Variants in NRG1 observed in about 807,000 individuals in gnomAD.
The protein encoded by NRG1 is pro-neuregulin-1, membrane-bound isoform.
In NRG1, 18 loss-of-function variants were observed where a neutral mutation model predicts 63.8. The ratio of observed to expected loss-of-function variants is 0.28; its 90% CI spans 0.19 to 0.42. The LOEUF (loss-of-function observed/expected upper bound fraction) is 0.42, where lower values mean the gene tolerates loss of function less well. Ranked by LOEUF, NRG1 falls within the 10% of genes least tolerant of loss-of-function variation. The pLI is 1.00. For synonymous variants in NRG1, 302 were observed against 301.3 expected (o/e 1.00, Z -0.02); for missense variants, 762 against 814.7 (o/e 0.94, Z 0.79).
At chr8:32,182,750 A>C (rs1452098197) in intron 1 of NRG1, among the ~76,000 whole-genome samples, 1 of 152,158 alleles carries the variant, frequency 6.6e-6, no homozygotes, top group African/African-American at 2.4e-5. Context: ...TTTACAAAAC[A>C]GTGTTAATAC....
intron 5 of NRG1, among the ~76,000 whole-genome samples, chr8:32,716,802 A>G (rs550785434): frequency 1.4e-4 from 17 of 124,624 alleles, no homozygotes; most frequent in Admixed American, 8.3e-4. Context: ...GCGTGTGTGC[A>G]TGTGTGTGTG....
intron 1 of NRG1, among the ~76,000 whole-genome samples, chr8:31,789,885 T>G (rs1240639363): frequency 6.6e-6 from 1 of 152,178 alleles, no homozygotes; most frequent in Non-Finnish European, 1.5e-5. Flanking sequence ...ATAACCAGAT[T>G]CAAGATTAGA....
At chr8:32,630,732 T>G (rs1041287055) in intron 5 of NRG1, among the ~76,000 whole-genome samples, 13 of 151,418 alleles carry the variant, frequency 8.6e-5, no homozygotes, top group African/African-American at 2.4e-4. Flanking sequence ...ATTTTAGGTT[T>G]TTTTTTTTTT....
At chr8:31,727,013 G>A (rs1813517532) in intron 1 of NRG1, among the ~76,000 whole-genome samples, 2 of 152,128 alleles carry the variant, frequency 1.3e-5, no homozygotes, top group African/African-American at 4.8e-5. Flanking sequence ...TCTTATGATT[G>A]AAAAACGATT....
At chr8:32,397,705 T>A (rs921618427) in intron 1 of NRG1, among the ~76,000 whole-genome samples, 3 of 152,200 alleles carry the variant, frequency 2.0e-5, no homozygotes, top group Non-Finnish European at 4.4e-5. Flanking sequence ...GAGTCATTGG[T>A]TACCATGTGT....
chr8:31,965,901 G>A (rs1806237992), intron 1 of NRG1, among the ~76,000 whole-genome samples: 1 of 152,106 alleles, frequency 6.6e-6, no homozygotes, highest in South Asian at 2.1e-4. Context: ...ATTTATAAGT[G>A]GGAGCTAAAC....
intron 1 of NRG1, among the ~76,000 whole-genome samples, chr8:31,675,191 A>G (rs1352361989): frequency 6.6e-6 from 1 of 152,164 alleles, no homozygotes; most frequent in African/African-American, 2.4e-5. Flanking sequence ...AAAAATACAA[A>G]ATTAGCTGGG....
intron 1 of NRG1, among the ~76,000 whole-genome samples, chr8:31,722,507 G>A (rs1563328981): frequency 6.6e-6 from 1 of 152,142 alleles, no homozygotes; most frequent in Non-Finnish European, 1.5e-5. Context: ...AAGAGTAAAT[G>A]AGTAAATGAA....
chr8:31,688,509 G>A (rs759265029), intron 1 of NRG1, among the ~76,000 whole-genome samples: 3 of 152,068 alleles, frequency 2.0e-5, no homozygotes, highest in Non-Finnish European at 2.9e-5. Flanking sequence ...TCCTAGATCC[G>A]CCCAAATGGA....
At chr8:31,944,676 C>T (rs936503692) in intron 1 of NRG1, among the ~76,000 whole-genome samples, 2 of 151,952 alleles carry the variant, frequency 1.3e-5, no homozygotes, top group African/African-American at 4.9e-5. Flanking sequence ...TAAACATACA[C>T]CTGATACACT....
chr8:32,315,245 C>G (rs992032250), intron 1 of NRG1, among the ~76,000 whole-genome samples: 3 of 152,168 alleles, frequency 2.0e-5, no homozygotes, highest in African/African-American at 7.2e-5. Context: ...TCTGCCCACC[C>G]CCCTGACAGG....
At chr8:32,061,354 C>T (rs1823825460) in intron 1 of NRG1, among the ~76,000 whole-genome samples, 1 of 151,954 alleles carries the variant, frequency 6.6e-6, no homozygotes, top group Non-Finnish European at 1.5e-5. Flanking sequence ...TAATAAACTT[C>T]TGGTCCCTGG....
chr8:32,199,892 G>T (rs1843330346), intron 1 of NRG1, among the ~76,000 whole-genome samples: 1 of 152,064 alleles, frequency 6.6e-6, no homozygotes, highest in Non-Finnish European at 1.5e-5. Flanking sequence ...TGATTCTACT[G>T]CCTCAGCCTC....
chr8:31,802,504 A>G (rs34819385), intron 1 of NRG1, among the ~76,000 whole-genome samples: 21,185 of 152,072 alleles, frequency 0.14, 1,611 homozygotes, highest in Admixed American at 0.17. Flanking sequence ...TCCCAAAAAA[A>G]GGCACAGAAA....
chr8:32,295,391 G>T (rs921140515), intron 1 of NRG1, among the ~76,000 whole-genome samples: 1 of 152,138 alleles, frequency 6.6e-6, no homozygotes, highest in Admixed American at 6.5e-5. Context: ...TGATGAAACT[G>T]AAAGTGGATT....
chr8:31,722,416 A>G (rs1585924792), intron 1 of NRG1, among the ~76,000 whole-genome samples: 1 of 151,948 alleles, frequency 6.6e-6, no homozygotes, highest in African/African-American at 2.4e-5. Flanking sequence ...CTGTCATCTT[A>G]CTAGTATTAT....
chr8:32,249,145 ATTTTAT>A (rs1455385622), intron 1 of NRG1, among the ~76,000 whole-genome samples: 2 of 152,038 alleles, frequency 1.3e-5, no homozygotes, highest in Non-Finnish European at 2.9e-5. Context: ...GTAGGGAAAT[ATTTTAT>A]TTTTATTTTT....
intron 1 of NRG1, among the ~76,000 whole-genome samples, chr8:32,036,298 G>A (rs1256903808): frequency 1.3e-5 from 2 of 151,974 alleles, no homozygotes; most frequent in African/African-American, 4.8e-5. Context: ...TGAGAGGTCT[G>A]CTGTTAGTCT....
chr8:31,868,029 C>G (rs1200571909), intron 1 of NRG1, among the ~76,000 whole-genome samples: 1 of 151,910 alleles, frequency 6.6e-6, no homozygotes, highest in Non-Finnish European at 1.5e-5. Context: ...CTTTCATGGT[C>G]AAGATGACAG....
Sources: allele counts gnomAD v4.1 joint callset (sites outside exome capture counted in the v4.1 genomes callset), GRCh38; gene constraint gnomAD v4.1.1; transcripts MANE v1.5; gene names NCBI Gene and HGNC (gene_info 2026-07-23, HGNC 2026-07-21).